Variants in RORA observed in about 807,000 individuals in gnomAD.
RORA encodes RAR related orphan receptor A, also known as nuclear receptor ROR-alpha.
In RORA, 7 loss-of-function variants were observed where a neutral mutation model predicts 69.5. The ratio of observed to expected loss-of-function variants is 0.10; its 90% CI spans 0.06 to 0.19. The LOEUF is 0.19. Among genes scored for constraint, RORA ranks in the 10% least tolerant of loss-of-function variants. The pLI is 1.00. For missense variants in RORA, 457 were observed against 663.0 expected, an observed-to-expected ratio of 0.69 and a Z score of 3.41; for synonymous variants, 261 against 240.8, an observed-to-expected ratio of 1.08 and a Z score of -0.78.
chr15:61,178,827 C>T (rs11856166), intron 1 of RORA, among the ~76,000 whole-genome samples: 5,718 of 152,188 alleles, frequency 0.038, 374 homozygotes, highest in African/African-American at 0.13. Context: ...AAACATGACA[C>T]CCATGGCAAG....
chr15:60,590,793 G>A (rs546190873), intron 2 of RORA, among the ~76,000 whole-genome samples: 46 of 152,202 alleles, frequency 3.0e-4, no homozygotes, highest in African/African-American at 1.1e-3. Context: ...TTAAGAGCGC[G>A]GATCACGGGA....
chr15:60,962,305 C>G (rs1171654027), intron 1 of RORA, among the ~76,000 whole-genome samples: 1 of 152,204 alleles, frequency 6.6e-6, no homozygotes, highest in Non-Finnish European at 1.5e-5. Flanking sequence ...GCCTTTAACT[C>G]ATTTCCCCTC....
At chr15:60,945,477 G>A (rs1005943213) in intron 1 of RORA, among the ~76,000 whole-genome samples, 14 of 152,256 alleles carry the variant, frequency 9.2e-5, no homozygotes, top group African/African-American at 3.1e-4. Context: ...GAAGATGATG[G>A]AAAGGATAAG....
At chr15:60,730,581 A>G (rs1245835919) in intron 1 of RORA, among the ~76,000 whole-genome samples, 1 of 152,234 alleles carries the variant, frequency 6.6e-6, no homozygotes, top group Non-Finnish European at 1.5e-5. Context: ...TTTTAAATAT[A>G]ACATTTTCTA....
At chr15:60,760,262 T>C (rs1244444498) in intron 1 of RORA, among the ~76,000 whole-genome samples, 1 of 152,190 alleles carries the variant, frequency 6.6e-6, no homozygotes, top group Admixed American at 6.5e-5. Context: ...CTAAACATTC[T>C]CTGGCACCTA....
intron 1 of RORA, among the ~76,000 whole-genome samples, chr15:60,750,760 T>C (rs1160439847): frequency 6.6e-6 from 1 of 152,194 alleles, no homozygotes; most frequent in Non-Finnish European, 1.5e-5. Context: ...AAAATATTTG[T>C]ATTTTACCTT....
At chr15:60,526,467 T>TA (rs2066360324) in intron 3 of RORA, among the ~76,000 whole-genome samples, 1 of 152,188 alleles carries the variant, frequency 6.6e-6, no homozygotes, top group African/African-American at 2.4e-5. Context: ...TACTGGGACA[T>TA]GATTAAGATC....
intron 6 of RORA, among the ~76,000 whole-genome samples, chr15:60,504,657 G>T (rs1325525580): frequency 1.3e-5 from 2 of 152,122 alleles, no homozygotes; most frequent in Non-Finnish European, 2.9e-5. Context: ...CTGTTTTCTT[G>T]CTTCTCCTTT....
chr15:61,159,747 T>C (rs1370802874), intron 1 of RORA, among the ~76,000 whole-genome samples: 17 of 152,234 alleles, frequency 1.1e-4, no homozygotes, highest in Admixed American at 1.1e-3. Flanking sequence ...GTGCATTATG[T>C]ATGTTTTACC....
At chr15:60,621,931 C>A (rs922439209) in intron 2 of RORA, among the ~76,000 whole-genome samples, 1 of 151,954 alleles carries the variant, frequency 6.6e-6, no homozygotes, top group Non-Finnish European at 1.5e-5. Context: ...ACCTGTAATC[C>A]CAGCTACTCA....
intron 2 of RORA, among the ~76,000 whole-genome samples, chr15:60,653,330 C>T (rs1596099747): frequency 2.1e-5 from 3 of 141,786 alleles, no homozygotes; most frequent in African/African-American, 8.1e-5. Flanking sequence ...TGTGTGTGTG[C>T]GTATTTGAAC....
intron 2 of RORA, among the ~76,000 whole-genome samples, chr15:60,658,114 T>C (rs1020418772): frequency 1.3e-5 from 2 of 151,986 alleles, no homozygotes; most frequent in Non-Finnish European, 2.9e-5. Context: ...GGAGTCTTGC[T>C]CTGTTGTCCA....
At chr15:60,759,193 A>T (rs1363284701) in intron 1 of RORA, among the ~76,000 whole-genome samples, 6 of 152,214 alleles carry the variant, frequency 3.9e-5, no homozygotes, top group Admixed American at 3.3e-4. Context: ...ACAAAAATGC[A>T]CTCTGCTAAG....
chr15:61,025,214 C>T (rs910672181), intron 1 of RORA, among the ~76,000 whole-genome samples: 2 of 152,284 alleles, frequency 1.3e-5, no homozygotes, highest in East Asian at 1.9e-4. Flanking sequence ...TAGCACTGTA[C>T]ACTGGGACAT....
chr15:60,624,494 A>ATATATATATATATATC (rs1434114304), intron 2 of RORA, among the ~76,000 whole-genome samples: 1 of 124,284 alleles, frequency 8.0e-6, no homozygotes, highest in Admixed American at 8.3e-5. Context: ...ATATATATAT[A>ATATATATATATATATC]TATTTGCTGT....
intron 1 of RORA, among the ~76,000 whole-genome samples, chr15:60,808,737 TTTATAACATACA>T (rs1324912859): frequency 6.7e-6 from 1 of 150,094 alleles, no homozygotes; most frequent in Non-Finnish European, 1.5e-5. Context: ...TATATATATG[TTTATAACATACA>T]TTATAAACAT....
intron 1 of RORA, among the ~76,000 whole-genome samples, chr15:60,790,764 T>C (rs776307845): frequency 2.8e-4 from 43 of 152,214 alleles, no homozygotes; most frequent in Non-Finnish European, 5.0e-4. Context: ...GGATATGTAA[T>C]GCACAGCGCT....
Position 60,531,415 on chromosome 15 carries a change from G to T in RORA, c.282+351C>A, listed in dbSNP as rs1244205439. 5.0e-6 allele frequency: 1 copy of T among 200,174 alleles called. No individual in the cohort carries two copies. The highest frequency in any genetic ancestry group is 2.4e-5 in the African/African-American group (1 of 42,254). 12.4% of individuals were successfully genotyped at this position (200,174 alleles called of 1,614,324 possible). On this transcript the variant is annotated intron_variant, in intron 3 of 10. Transcript: ENST00000335670. The surrounding 1 kb of genome is among the most constrained non-coding windows in gnomAD (Gnocchi z 4.8). ...TGACATTCCAATTAAACTTACTGGA[G>T]ATGTCTTTTTATAAGCTTATGACAG...
chr15:61,221,969 A>C (rs1250785573), intron 1 of RORA, among the ~76,000 whole-genome samples: 1 of 152,074 alleles, frequency 6.6e-6, no homozygotes, highest in East Asian at 1.9e-4. Flanking sequence ...AAAAAAAAAA[A>C]AAACTAAAAA....
Sources: gnomAD v4.1 joint callset for allele counts (sites outside exome capture counted in the v4.1 genomes callset) on GRCh38, gnomAD v4.1.1 for gene constraint, Gnocchi (gnomAD v3.1) non-coding constraint, MANE v1.5 for transcripts, NCBI Gene and HGNC (gene_info 2026-07-23, HGNC 2026-07-21) for gene names.